Variants in SPTBN1 observed in about 807,000 individuals in gnomAD.
SPTBN1 encodes spectrin beta, non-erythrocytic 1.
A neutral mutation model predicts 266.4 loss-of-function variants in SPTBN1; 32 were observed. That is an observed-to-expected ratio of 0.12 (90% CI 0.09 to 0.16). SPTBN1 has a LOEUF of 0.16. Ranked by LOEUF, SPTBN1 falls within the 10% of genes least tolerant of loss-of-function variation. The pLI, the probability that SPTBN1 is intolerant of heterozygous loss-of-function variation, is 1.00. For missense variants in SPTBN1, 2,296 were observed against 3,067.1 expected, an observed-to-expected ratio of 0.75 and a Z score of 5.94; for synonymous variants, 1,336 against 1,162.2, an observed-to-expected ratio of 1.15 and a Z score of -3.04.
chr2:54,566,310 C>G (rs1299086253), intron 2 of SPTBN1, among the ~76,000 whole-genome samples: 2 of 151,508 alleles, frequency 1.3e-5, no homozygotes, highest in African/African-American at 4.8e-5. Context: ...GCCTCAGCCT[C>G]CCGAGTAGCT....
intron 9 of SPTBN1, 46 bp downstream of exon 9, chr2:54,622,533 C>G: frequency 6.3e-7 from 1 of 1,588,968 alleles, no homozygotes. Flanking sequence ...AAAGACACAT[C>G]ACTGTAGCCA....
intron 2 of SPTBN1, among the ~76,000 whole-genome samples, chr2:54,572,471 G>C (rs145360388): frequency 6.6e-6 from 1 of 152,256 alleles, no homozygotes; most frequent in East Asian, 1.9e-4. Context: ...TGCTTTGCTA[G>C]AAGCCAGGCA....
chr2:54,632,104 G>T (rs1395364745), intron 16 of SPTBN1, among the ~76,000 whole-genome samples: 2 of 151,234 alleles, frequency 1.3e-5, no homozygotes, highest in African/African-American at 4.9e-5. Context: ...AAAAAGTACG[G>T]TGAGGATTTT....
At chr2:54,547,115 ACT>A (rs1367662227) in intron 2 of SPTBN1, among the ~76,000 whole-genome samples, 1 of 152,124 alleles carries the variant, frequency 6.6e-6, no homozygotes, top group Non-Finnish European at 1.5e-5. Flanking sequence ...TTAAACAATA[ACT>A]CACCACGTTC....
In SPTBN1 at chr2:54,626,377, C is replaced by T. The variant is rs780589794; in HGVS notation, c.1644+143C>T. 1 of 1,091,106 alleles carries T rather than the reference C, an allele frequency of 9.2e-7. No individual in the cohort carries two copies. The highest frequency in any genetic ancestry group is 1.3e-6 in the Non-Finnish European group (1 of 774,482). 67.6% of individuals were successfully genotyped at this position (1,091,106 alleles called of 1,614,324 possible). A position where few individuals can be genotyped will look rare whatever the true frequency, so the allele number is the denominator to read the frequency against. On this transcript the variant is annotated intron_variant, in intron 12 of 35. Coordinates refer to ENST00000356805, the MANE Select transcript of SPTBN1 (RefSeq NM_003128.3). This position sits in a 1 kb window ranked among gnomAD's most constrained non-coding sequence, Gnocchi z 4.7. Reference sequence around the variant, plus strand: ...ACAGCTAGAGAGGAGCCACATCACCCATGGGAAGATTGCTAGCTCAGGAAT... The same window carrying T: ...ACAGCTAGAGAGGAGCCACATCACCTATGGGAAGATTGCTAGCTCAGGAAT...
At chr2:54,476,318 G>GTATGTGTGATCATTAAAAGAGT (rs1363781143) in intron 1 of SPTBN1, among the ~76,000 whole-genome samples, 1 of 152,150 alleles carries the variant, frequency 6.6e-6, no homozygotes, top group Non-Finnish European at 1.5e-5. Context: ...AAAAAGAAGA[G>GTATGTGTGATCATTAAAAGAGT]ACTGGGTATG....
intron 2 of SPTBN1, among the ~76,000 whole-genome samples, chr2:54,575,201 T>A (rs984102390): frequency 3.3e-5 from 5 of 152,200 alleles, no homozygotes; most frequent in African/African-American, 1.2e-4. Context: ...TATTTGATCA[T>A]TCTTGGAGAT....
chr2:54,607,963 C>T (rs1052088336), intron 3 of SPTBN1, among the ~76,000 whole-genome samples: 6 of 152,170 alleles, frequency 3.9e-5, no homozygotes, highest in African/African-American at 7.2e-5. Flanking sequence ...TCCTTTCAGA[C>T]GTTTTCCGTA....
Position 54,578,332 on chromosome 2 carries a change from A to T in SPTBN1, c.149-20760A>T, listed in dbSNP as rs139978414. 6.6e-5 allele frequency among the ~76,000 whole-genome samples: 10 copies of T among 152,200 alleles called. No individual in the cohort carries two copies. In the East Asian group the frequency reaches 1.9e-3, roughly 29 times the overall value. Reference sequence around the variant, plus strand: ...AAGTTCAGATTATTGGAGATTGCTGATTTTTCTTGACTTTAAATATTTTCG... The same window carrying T: ...AAGTTCAGATTATTGGAGATTGCTGTTTTTTCTTGACTTTAAATATTTTCG... On this transcript the variant is annotated intron_variant, in intron 2 of 35. Coordinates refer to ENST00000356805, the MANE Select transcript of SPTBN1 (RefSeq NM_003128.3).
chr2:54,549,339 A>G (rs1672432515), intron 2 of SPTBN1, among the ~76,000 whole-genome samples: 1 of 151,838 alleles, frequency 6.6e-6, no homozygotes, highest in South Asian at 2.1e-4. Context: ...ACAGTTTATA[A>G]TATTTTCCAA....
intron 2 of SPTBN1, among the ~76,000 whole-genome samples, chr2:54,591,137 A>T (rs1161359111): frequency 6.6e-6 from 1 of 152,212 alleles, no homozygotes; most frequent in African/African-American, 2.4e-5. Flanking sequence ...ATCCCCAGCT[A>T]GATTTCTAGT....
chr2:54,610,964 C>T (rs1325640538), intron 3 of SPTBN1, among the ~76,000 whole-genome samples: 3 of 152,210 alleles, frequency 2.0e-5, no homozygotes, highest in Non-Finnish European at 4.4e-5. Context: ...TAAGTAGGCA[C>T]TCAACAATAC....
At chr2:54,541,101 T>C (rs1320833107) in intron 2 of SPTBN1, among the ~76,000 whole-genome samples, 1 of 152,248 alleles carries the variant, frequency 6.6e-6, no homozygotes, top group Non-Finnish European at 1.5e-5. Flanking sequence ...CTTTTACCTT[T>C]TTCTCTAGCC....
At chr2:54,648,926 C>T in intron 24 of SPTBN1, 60 bp from the exon 25 acceptor site, 1 of 1,461,234 alleles carries the variant, frequency 6.8e-7, no homozygotes, top group South Asian at 1.3e-5. Flanking sequence ...TTTGTTTTTC[C>T]CCTGAAGAAA....
intron 18 of SPTBN1, 71 bp from the exon 19 acceptor site, chr2:54,642,911 CA>C (rs1679672329): frequency 1.9e-6 from 3 of 1,556,750 alleles, no homozygotes; most frequent in East Asian, 2.3e-5. Context: ...GACATAAACA[CA>C]ACCCTTTCCA....
chr2:54,564,313 C>T (rs1410640231), intron 2 of SPTBN1, among the ~76,000 whole-genome samples: 1 of 152,186 alleles, frequency 6.6e-6, no homozygotes, highest in Non-Finnish European at 1.5e-5. Context: ...TAAAATCTCC[C>T]TGGCTGCTGA....
At chr2:54,602,294 T>C (rs1310764586) in intron 3 of SPTBN1, among the ~76,000 whole-genome samples, 1 of 152,152 alleles carries the variant, frequency 6.6e-6, no homozygotes, top group Non-Finnish European at 1.5e-5. Context: ...GGCCACTTAG[T>C]AATTAGACCT....
In SPTBN1 at chr2:54,456,861, G is replaced by A. The variant is rs560069090; in HGVS notation, c.-48+343G>A. Among the ~76,000 whole-genome samples the A allele has an allele frequency of 4.5e-3, 687 of 151,558 alleles. 5 individuals carry two copies. Among genetic ancestry groups the A allele is most frequent in the African/African-American group, 0.016 (660 of 41,480 alleles). On this transcript the variant is annotated intron_variant, in intron 1 of 35. Transcript: ENST00000356805. ...GCGGCGATTCCTCCTCCCTGCCTCCGCCGGCGCCTCCCTGCAGCCGGGCGC... is the reference window on the plus strand; with the variant it reads ...GCGGCGATTCCTCCTCCCTGCCTCCACCGGCGCCTCCCTGCAGCCGGGCGC...
chr2:54,601,163 C>T lies in SPTBN1; in HGVS notation c.300+1920C>T, dbSNP rs777694124. 1.0e-3 allele frequency among the ~76,000 whole-genome samples: 153 copies of T among 152,292 alleles called. 1 individual carries two copies. The highest frequency in any genetic ancestry group is 1.6e-3 in the Non-Finnish European group (110 of 68,026). On this transcript the variant is annotated intron_variant, in intron 3 of 35. Transcript: ENST00000356805. Reference sequence around the variant, plus strand: ...GTACAGTGGCTACCATCTCCAACCTCTTAGGCAGTCGATATCAGTAGTTTT... The same window carrying T: ...GTACAGTGGCTACCATCTCCAACCTTTTAGGCAGTCGATATCAGTAGTTTT...
Sources: allele counts gnomAD v4.1 joint callset (sites outside exome capture counted in the v4.1 genomes callset), GRCh38; gene constraint gnomAD v4.1.1; non-coding constraint Gnocchi (gnomAD v3.1); transcripts MANE v1.5; gene names NCBI Gene and HGNC (gene_info 2026-07-23, HGNC 2026-07-21).